The following KIF2A variants were observed in gnomAD, a reference collection of about 807,000 sequenced individuals.
The protein encoded by KIF2A is kinesin-like protein KIF2A.
Under a neutral mutation model 100.2 loss-of-function variants are expected in KIF2A, and 22 were observed. The ratio of observed to expected loss-of-function variants is 0.22; its 90% CI spans 0.16 to 0.31. The LOEUF is 0.31. Among genes scored for constraint, KIF2A ranks in the 10% least tolerant of loss-of-function variants. The pLI is 1.00. For missense variants in KIF2A, 495 were observed against 898.7 expected (o/e 0.55, Z 5.74); for synonymous variants, 268 against 285.9 (o/e 0.94, Z 0.63).
At chr5:62,383,495 G>A (rs978733015) in intron 20 of KIF2A, among the ~76,000 whole-genome samples, 4 of 146,942 alleles carry the variant, frequency 2.7e-5, no homozygotes, top group Admixed American at 6.8e-5. Flanking sequence ...CGCCCATCTC[G>A]GCCTCCGAAA....
chr5:62,345,058 C>T (rs1747487182), intron 1 of KIF2A, among the ~76,000 whole-genome samples: 1 of 151,980 alleles, frequency 6.6e-6, no homozygotes, highest in African/African-American at 2.4e-5. Flanking sequence ...TCAGCCTGGC[C>T]AACATGGAGA....
chr5:62,318,749 A>T (rs1745957241), intron 1 of KIF2A, among the ~76,000 whole-genome samples: 1 of 152,104 alleles, frequency 6.6e-6, no homozygotes, highest in Admixed American at 6.5e-5. Context: ...CTTCTCACAT[A>T]GTATTCTCTT....
At position 62,334,969 on chromosome 5, in the gene KIF2A, T is replaced by C. The variant is rs114146441; in HGVS notation, c.65-12161T>C. Reference sequence around the variant, plus strand: ...ACTTCAGCCTGGGGAACTGGAGCAGTTCAGCATGGAGAGCCCATAAATCAG... The same window carrying C: ...ACTTCAGCCTGGGGAACTGGAGCAGCTCAGCATGGAGAGCCCATAAATCAG... On this transcript the variant is annotated intron_variant, in intron 1 of 20. Transcript: ENST00000407818. Among the ~76,000 whole-genome samples the C allele has an allele frequency of 5.3e-3, 800 of 152,278 alleles. 10 individuals are homozygous for C. The highest frequency in any genetic ancestry group is 0.018 in the African/African-American group (753 of 41,556).
chr5:62,384,548 C>T (rs1741927769), intron 20 of KIF2A, among the ~76,000 whole-genome samples: 2 of 152,140 alleles, frequency 1.3e-5, no homozygotes, highest in African/African-American at 4.8e-5. Context: ...GTTGGGATAA[C>T]CAAAAATGTC....
chr5:62,334,641 C>G (rs1413988380), intron 1 of KIF2A, among the ~76,000 whole-genome samples: 1 of 152,028 alleles, frequency 6.6e-6, no homozygotes, highest in African/African-American at 2.4e-5. Context: ...TGCCTTGTAC[C>G]CCTCAGCCCC....
At chr5:62,321,769 G>C (rs992412800) in intron 1 of KIF2A, among the ~76,000 whole-genome samples, 1 of 151,966 alleles carries the variant, frequency 6.6e-6, no homozygotes, top group Admixed American at 6.6e-5. Flanking sequence ...ACGTTTCCTA[G>C]GCTGGTCTCA....
rs1745263157 is a variant in KIF2A at position 62,306,312 on chromosome 5, C to T, written c.-161C>T. 3.3e-6 allele frequency: 2 copies of T among 603,296 alleles called. No individual in the cohort carries two copies. The highest frequency in any genetic ancestry group is 5.9e-6 in the Non-Finnish European group (2 of 341,864). 37.4% of individuals were successfully genotyped at this position (603,296 alleles called of 1,614,324 possible). On this transcript the variant is annotated 5_prime_UTR_variant, in exon 1 of 21. Coordinates refer to ENST00000407818, the MANE Select transcript of KIF2A (RefSeq NM_001098511.3). Reference sequence around the variant, plus strand: ...GGCCCGGGGCCTCCGCCTGCTTCCCCACAGCTGCTCCTTGCGGCCCCGCTT... The same window carrying T: ...GGCCCGGGGCCTCCGCCTGCTTCCCTACAGCTGCTCCTTGCGGCCCCGCTT...
At chr5:62,337,169 A>G (rs1351664658) in intron 1 of KIF2A, among the ~76,000 whole-genome samples, 1 of 152,198 alleles carries the variant, frequency 6.6e-6, no homozygotes, top group African/African-American at 2.4e-5. Context: ...GGAAAGGGAA[A>G]ACTCTGCCAT....
chr5:62,378,888 C>T (rs1483048628), intron 19 of KIF2A, among the ~76,000 whole-genome samples: 1 of 152,130 alleles, frequency 6.6e-6, no homozygotes, highest in African/African-American at 2.4e-5. Flanking sequence ...GCACTCCAGC[C>T]TGGGCAACAG....
chr5:62,328,626 G>C (rs1229912197), intron 1 of KIF2A, among the ~76,000 whole-genome samples: 1 of 151,878 alleles, frequency 6.6e-6, no homozygotes, highest in Non-Finnish European at 1.5e-5. Context: ...CAGGTAGCTG[G>C]GATTACAGGC....
At position 62,350,062 on chromosome 5, in the gene KIF2A, A is replaced by G. The variant is rs1467982462; in HGVS notation, c.280-4A>G. Reference sequence around the variant, plus strand: ...AACATAATGAACATTTTTTCCTTTCATAGAATCGACGGACTGTAGCTTCTA... The same window carrying G: ...AACATAATGAACATTTTTTCCTTTCGTAGAATCGACGGACTGTAGCTTCTA... On this transcript the variant is annotated splice_region_variant and splice_polypyrimidine_tract_variant and intron_variant, in intron 3 of 20. Coordinates refer to ENST00000407818, the MANE Select transcript of KIF2A (RefSeq NM_001098511.3). 1.3e-6 allele frequency: 2 copies of G among 1,582,174 alleles called. No individual in the cohort carries two copies. Among genetic ancestry groups the G allele is most frequent in the Admixed American group, 3.6e-5 (2 of 55,864 alleles).
chr5:62,359,871 T>C (rs950709320), intron 9 of KIF2A, among the ~76,000 whole-genome samples: 1 of 152,202 alleles, frequency 6.6e-6, no homozygotes, highest in East Asian at 1.9e-4. Context: ...TAGTTCTGTT[T>C]GACCAGAACT....
Position 62,328,427 on chromosome 5 carries a change from G to A in KIF2A, c.65-18703G>A, listed in dbSNP as rs569988422. Among the ~76,000 whole-genome samples, 4 of 151,654 alleles carry A rather than the reference G, an allele frequency of 2.6e-5. No individual in the cohort carries two copies. In the South Asian group the frequency reaches 6.3e-4, roughly 24 times the overall value. ...GTTCTCTTTACAAGTGGTTTTGGAC[G>A]GTGTTTTAACCTTCCTTTTCCCCAG... On this transcript the variant is annotated intron_variant, in intron 1 of 20. Transcript: ENST00000407818.
chr5:62,315,721 C>G (rs755007728), intron 1 of KIF2A, among the ~76,000 whole-genome samples: 2 of 152,164 alleles, frequency 1.3e-5, no homozygotes, highest in Non-Finnish European at 2.9e-5. Context: ...GAATTAATTT[C>G]TAGGACACTT....
At chr5:62,350,271 T>G (rs1213341300) in intron 4 of KIF2A, among the ~76,000 whole-genome samples, 151 bp downstream of exon 4, 1 of 151,634 alleles carries the variant, frequency 6.6e-6, no homozygotes, top group African/African-American at 2.4e-5. Context: ...TTTTGTTTTG[T>G]TTTTTGTTTT....
intron 1 of KIF2A, among the ~76,000 whole-genome samples, chr5:62,335,640 C>T (rs566524447): frequency 1.1e-4 from 16 of 152,098 alleles, no homozygotes; most frequent in African/African-American, 3.4e-4. Flanking sequence ...AGGGCTTGTC[C>T]GGATTCCTAG....
intron 1 of KIF2A, among the ~76,000 whole-genome samples, chr5:62,311,064 C>T (rs962123933): frequency 6.6e-6 from 1 of 152,096 alleles, no homozygotes; most frequent in South Asian, 2.1e-4. Context: ...AGAATATTTC[C>T]ACCAGAAAGG....
intron 8 of KIF2A, 51 bp downstream of exon 8, chr5:62,357,796 A>C (rs1429374399): frequency 1.8e-6 from 2 of 1,081,106 alleles, no homozygotes; most frequent in African/African-American, 3.2e-5. Flanking sequence ...CTTATTTGTA[A>C]TGTATTTTTA....
intron 14 of KIF2A, 37 bp from the exon 15 acceptor site, chr5:62,365,206 A>C: frequency 9.6e-7 from 1 of 1,043,216 alleles, no homozygotes; most frequent in Non-Finnish European, 1.4e-6. Context: ...CTTTATAAGA[A>C]AGACTAATCT....
Sources: allele counts gnomAD v4.1 joint callset (sites outside exome capture counted in the v4.1 genomes callset), GRCh38; gene constraint gnomAD v4.1.1; transcripts MANE v1.5; gene names NCBI Gene and HGNC (gene_info 2026-07-23, HGNC 2026-07-21).